The following ENOX1 variants were observed in gnomAD, a reference collection of about 807,000 sequenced individuals.
The protein encoded by ENOX1 is ecto-NOX disulfide-thiol exchanger 1.
ENOX1 carries 42 observed loss-of-function variants against 82.5 expected under a neutral mutation model. The observed-to-expected ratio is 0.51, with a 90% CI of 0.40 to 0.66. The LOEUF (loss-of-function observed/expected upper bound fraction) is 0.66. ENOX1 is among the 30% of genes least tolerant of loss of function. The probability of loss-of-function intolerance (pLI) is 0.00; values close to 1 mark genes in which losing one functional copy is unlikely to be tolerated. For synonymous variants in ENOX1, 271 were observed against 282.2 expected (o/e 0.96, Z 0.40); for missense variants, 608 against 811.6 (o/e 0.75, Z 3.05).
chr13:43,265,019 T>C (rs2044286896), intron 14 of ENOX1, among the ~76,000 whole-genome samples: 4 of 152,206 alleles, frequency 2.6e-5, no homozygotes, highest in Non-Finnish European at 1.5e-5. Context: ...GTCATTTAGG[T>C]ACCACCTTCG....
At chr13:43,664,467 C>A (rs1043860953) in intron 2 of ENOX1, among the ~76,000 whole-genome samples, 1 of 152,196 alleles carries the variant, frequency 6.6e-6, no homozygotes, top group African/African-American at 2.4e-5. Flanking sequence ...GTAGCACACA[C>A]TGTAGAGTAC....
chr13:43,640,443 T>C (rs2083586514), intron 2 of ENOX1, among the ~76,000 whole-genome samples: 1 of 152,168 alleles, frequency 6.6e-6, no homozygotes, highest in African/African-American at 2.4e-5. Context: ...CCATGGTGTA[T>C]CAGACATGAG....
rs575854504 is a variant in ENOX1, at chr13:43,670,818, G to T, written c.-284-3274C>A. Among the ~76,000 whole-genome samples the T allele has an allele frequency of 5.3e-5, 8 of 152,068 alleles. No homozygotes were observed. The East Asian group carries it at 1.6e-3, about 29-fold the overall frequency. On this transcript the variant is annotated intron_variant, in intron 1 of 16. Transcript: ENST00000690772. ...AGATCGCGACACTGCACTCCAGCCTGGGCAACAGAGTGAGAGTCTATCTCA... is the reference window on the plus strand; with the variant it reads ...AGATCGCGACACTGCACTCCAGCCTTGGCAACAGAGTGAGAGTCTATCTCA...
intron 2 of ENOX1, among the ~76,000 whole-genome samples, chr13:43,529,015 C>T (rs142535824): frequency 4.6e-5 from 7 of 151,976 alleles, no homozygotes; most frequent in African/African-American, 9.6e-5. Flanking sequence ...AGCTAATATA[C>T]GTTAAACGTT....
At position 43,583,020 on chromosome 13, in the gene ENOX1, C is replaced by T. The variant is rs547289708; in HGVS notation, c.-219+84459G>A. ...AGACAGACAGACACACACACACGCA[C>T]GCACACACACAGCCTAGATGGTTTC... is the stretch of plus-strand genomic sequence containing the variant. On this transcript the variant is annotated intron_variant, in intron 2 of 16. Coordinates refer to ENST00000690772, the MANE Select transcript of ENOX1 (RefSeq NM_001347969.2). Among the ~76,000 whole-genome samples the T allele has an allele frequency of 8.0e-4, 121 of 152,126 alleles. No individual in the cohort carries two copies. In the Middle Eastern group the frequency reaches 0.02, roughly 26 times the overall value.
At chr13:43,382,266 C>T (rs2052101080) in intron 5 of ENOX1, among the ~76,000 whole-genome samples, 1 of 152,120 alleles carries the variant, frequency 6.6e-6, no homozygotes, top group Non-Finnish European at 1.5e-5. Context: ...CACACACGAT[C>T]ATCTCAATAG....
chr13:43,381,718 A>G (rs538378257), intron 5 of ENOX1, among the ~76,000 whole-genome samples: 40 of 152,102 alleles, frequency 2.6e-4, no homozygotes, highest in African/African-American at 8.9e-4. Context: ...CCATACATAA[A>G]TATCAAGGCA....
intron 2 of ENOX1, among the ~76,000 whole-genome samples, chr13:43,621,992 G>A (rs1038675281): frequency 1.3e-5 from 2 of 151,920 alleles, no homozygotes; most frequent in East Asian, 1.9e-4. Context: ...GGGTTAATTC[G>A]AAGACCCTGT....
intron 1 of ENOX1, among the ~76,000 whole-genome samples, chr13:43,742,635 C>G (rs1035155208): frequency 2.0e-5 from 3 of 152,162 alleles, no homozygotes; most frequent in African/African-American, 7.2e-5. Context: ...TACCAGTTAT[C>G]TGGGCATTCT....
intron 2 of ENOX1, among the ~76,000 whole-genome samples, chr13:43,580,145 G>A (rs1350757597): frequency 1.3e-5 from 2 of 152,158 alleles, no homozygotes; most frequent in East Asian, 3.8e-4. Flanking sequence ...AACATTATCT[G>A]GGATATTCAT....
At chr13:43,337,752 TAC>T (rs953841746) in intron 9 of ENOX1, among the ~76,000 whole-genome samples, 1 of 151,338 alleles carries the variant, frequency 6.6e-6, no homozygotes. Context: ...CACACACACA[TAC>T]ACACACACAC....
At chr13:43,478,944 C>CGGGGGAGAAATTCCCCAAGCCTTT (rs61198236) in intron 3 of ENOX1, among the ~76,000 whole-genome samples, 65,525 of 150,810 alleles carry the variant, frequency 0.43, 14,686 homozygotes, top group Non-Finnish European at 0.5. Flanking sequence ...AGAGCCATTT[C>CGGGGGAGAAATTCCCCAAGCCTTT]GGGGGAGAAA....
intron 2 of ENOX1, among the ~76,000 whole-genome samples, chr13:43,536,648 T>A (rs1159284942): frequency 1.3e-5 from 2 of 152,192 alleles, no homozygotes; most frequent in African/African-American, 2.4e-5. Flanking sequence ...CACAGAAGTG[T>A]CTGCATGACA....
chr13:43,287,868 A>G (rs148678321), intron 12 of ENOX1, among the ~76,000 whole-genome samples: 4 of 152,308 alleles, frequency 2.6e-5, no homozygotes, highest in Admixed American at 2.6e-4. Flanking sequence ...TGGGCCGAGA[A>G]TTGGAGAATT....
chr13:43,613,126 TAAC>T (rs753131736), intron 2 of ENOX1, among the ~76,000 whole-genome samples: 8 of 152,158 alleles, frequency 5.3e-5, no homozygotes, highest in Non-Finnish European at 8.8e-5. Context: ...ATTTGAGTGA[TAAC>T]AAATTTAGAT....
intron 1 of ENOX1, among the ~76,000 whole-genome samples, chr13:43,746,460 G>A (rs906122579): frequency 1.3e-5 from 2 of 152,118 alleles, no homozygotes; most frequent in Admixed American, 1.3e-4. Context: ...GTTAGGGCAG[G>A]AGACAGGCAG....
Position 43,605,331 on chromosome 13 carries a change from C to T in ENOX1, c.-219+62148G>A, listed in dbSNP as rs115747474. ...CAATCCTAAAATTTATATGGAACCA[C>T]AAAAGATCCAAAATAGCCAAAGCTA... On this transcript the variant is annotated intron_variant, in intron 2 of 16. Transcript: ENST00000690772. 4.9e-3 allele frequency among the ~76,000 whole-genome samples: 747 copies of T among 152,086 alleles called. 4 individuals are homozygous for T. The highest frequency in any genetic ancestry group is 0.016 in the African/African-American group (677 of 41,512).
intron 16 of ENOX1, among the ~76,000 whole-genome samples, chr13:43,217,228 A>G (rs769959593): frequency 3.3e-5 from 5 of 152,220 alleles, no homozygotes; most frequent in Non-Finnish European, 7.3e-5. Context: ...ATCTGTGTAC[A>G]GGAGGGCAGG....
intron 9 of ENOX1, among the ~76,000 whole-genome samples, chr13:43,332,084 G>A (rs941648705): frequency 5.3e-5 from 8 of 152,136 alleles, no homozygotes; most frequent in Non-Finnish European, 1.2e-4. Context: ...ACTTAAAACT[G>A]AGGCCAAGAC....
Sources: allele counts gnomAD v4.1 joint callset (sites outside exome capture counted in the v4.1 genomes callset), GRCh38; gene constraint gnomAD v4.1.1; transcripts MANE v1.5; gene names NCBI Gene and HGNC (gene_info 2026-07-23, HGNC 2026-07-21).